OTOGL: variants seen among roughly 807,000 people sequenced by gnomAD.
OTOGL encodes otogelin-like protein.
A neutral mutation model predicts 318.5 loss-of-function variants in OTOGL; 285 were observed. The observed-to-expected ratio is 0.89, with a 90% CI of 0.81 to 0.99. OTOGL has a LOEUF of 0.99. OTOGL is among the 50% of genes least tolerant of loss of function. The probability of loss-of-function intolerance (pLI) is 0.00; values close to 1 mark genes in which losing one functional copy is unlikely to be tolerated. For missense variants in OTOGL, 2,899 were observed against 2,845.6 expected (o/e 1.02, Z -0.43); for synonymous variants, 987 against 936.5 (o/e 1.05, Z -0.99).
chr12:80,250,042 C>A (rs1442379704), intron 11 of OTOGL, among the ~76,000 whole-genome samples: 4 of 152,090 alleles, frequency 2.6e-5, no homozygotes, highest in East Asian at 3.9e-4. Context: ...GTGCGCGCAC[C>A]CACTGACCTG....
intron 1 of OTOGL, among the ~76,000 whole-genome samples, chr12:80,123,171 C>T (rs895566885): frequency 4.6e-5 from 7 of 152,070 alleles, no homozygotes; most frequent in African/African-American, 1.7e-4. Flanking sequence ...TCTCCTAATG[C>T]TATCCCTCCC....
Position 80,252,112 on chromosome 12 carries a change from G to A in OTOGL, c.1196G>A (p.Cys399Tyr). Residue 399 changes from cysteine to tyrosine, a missense_variant, in exon 13 of 59, where the codon TGT becomes TAT. Around this residue, in one of 3 missense-constraint regions of OTOGL, gnomAD observed 2,607 missense variants for 2,524.9 expected, o/e 1.03. Coordinates refer to ENST00000547103, the MANE Select transcript of OTOGL (RefSeq NM_001378609.3). ...GATGATAGCTTTGTCCATCGGGACT[G>A]TATCAGTTGTTGTCCACCAACCTGC... ...KCDDSFVHRD[C>Y]ISCCPPTCTF... The A allele has an allele frequency of 1.3e-6, 2 of 1,560,190 alleles. No individual in the cohort carries two copies. The highest frequency in any genetic ancestry group is 1.2e-5 in the South Asian group (1 of 84,638).
chr12:80,380,879 C>CACAT, exon 59 of OTOGL: 1 of 152,092 alleles, frequency 6.6e-6, no homozygotes, highest in East Asian at 1.9e-4. Flanking sequence ...TACGTTAATC[C>CACAT]ACATGTGTAA....
chr12:80,262,197 C>A, intron 19 of OTOGL, 104 bp downstream of exon 19: 1 of 1,174,672 alleles, frequency 8.5e-7, no homozygotes, highest in Non-Finnish European at 1.1e-6. Context: ...TAATTTTCTC[C>A]ATTATGGTAA....
At chr12:80,243,745 T>C (rs939655855) in intron 11 of OTOGL, among the ~76,000 whole-genome samples, 3 of 149,782 alleles carry the variant, frequency 2.0e-5, no homozygotes, top group Non-Finnish European at 4.4e-5. Flanking sequence ...TCGAAGCCCT[T>C]AGACTATAGA....
At chr12:80,285,692 A>G (rs1015211843) in intron 26 of OTOGL, among the ~76,000 whole-genome samples, 5 of 152,058 alleles carry the variant, frequency 3.3e-5, no homozygotes, top group Non-Finnish European at 4.4e-5. Flanking sequence ...TTGGTGTATA[A>G]GAATGCTTGT....
chr12:80,205,501 T>C (rs1210442986), intron 1 of OTOGL, among the ~76,000 whole-genome samples: 1 of 152,188 alleles, frequency 6.6e-6, no homozygotes, highest in Non-Finnish European at 1.5e-5. Context: ...ATGCTACTTC[T>C]AAAATTATAT....
At chr12:80,179,103 C>T (rs1008043934) in intron 1 of OTOGL, among the ~76,000 whole-genome samples, 1 of 150,208 alleles carries the variant, frequency 6.7e-6, no homozygotes. Context: ...GTGATGGGGG[C>T]GGTGGGGGCT....
intron 1 of OTOGL, among the ~76,000 whole-genome samples, chr12:80,135,262 C>T (rs1592482105): frequency 9.2e-6 from 1 of 108,626 alleles, no homozygotes; most frequent in South Asian, 3.8e-4. Context: ...CCCCTCCCCT[C>T]CCCTCCCCTC....
chr12:80,358,122 A>T, intron 49 of OTOGL, 126 bp from the exon 50 acceptor site: 1 of 665,544 alleles, frequency 1.5e-6, no homozygotes, highest in Non-Finnish European at 2.6e-6. Flanking sequence ...AAGGAAATAT[A>T]CCTCATGTTT....
At chr12:80,285,212 C>G (rs1201414530) in intron 26 of OTOGL, among the ~76,000 whole-genome samples, 1 of 151,852 alleles carries the variant, frequency 6.6e-6, no homozygotes, top group African/African-American at 2.4e-5. Flanking sequence ...ATTTCCGAGG[C>G]CTCTGTTAGG....
At chr12:80,307,259 T>TC (rs540738247) in intron 29 of OTOGL, among the ~76,000 whole-genome samples, 74,896 of 148,682 alleles carry the variant, frequency 0.5, 21,385 homozygotes, top group East Asian at 0.8. Context: ...TCCCCACCTT[T>TC]CCCCCCTTTC....
At chr12:80,266,234 T>TA (rs1882951899) in intron 20 of OTOGL, among the ~76,000 whole-genome samples, 1 of 152,190 alleles carries the variant, frequency 6.6e-6, no homozygotes, top group African/African-American at 2.4e-5. Context: ...TGAAAATACT[T>TA]ACCATTTGGC....
chr12:80,284,243 G>T (rs1280872253), intron 26 of OTOGL, among the ~76,000 whole-genome samples: 1 of 152,164 alleles, frequency 6.6e-6, no homozygotes, highest in African/African-American at 2.4e-5. Flanking sequence ...ATCCGATGGT[G>T]TATATGTGCC....
chr12:80,285,123 A>G (rs1884514880), intron 26 of OTOGL, among the ~76,000 whole-genome samples: 1 of 152,108 alleles, frequency 6.6e-6, no homozygotes, highest in African/African-American at 2.4e-5. Context: ...AATACCATTT[A>G]TTTAATAGGG....
At chr12:80,266,007 T>C (rs1882928677) in intron 20 of OTOGL, 1 of 154,116 alleles carries the variant, frequency 6.5e-6, no homozygotes, top group Non-Finnish European at 1.4e-5. Context: ...CACCTTTCTA[T>C]ACTATGAGCC....
chr12:80,323,685 T>G, intron 34 of OTOGL, 38 bp from the exon 35 acceptor site: 1 of 1,465,540 alleles, frequency 6.8e-7, no homozygotes, highest in Non-Finnish European at 9.5e-7. Context: ...AAGCTATGTA[T>G]TAAATATGCA....
In OTOGL at chr12:80,355,832, G is replaced by A; in HGVS notation, c.5690G>A (p.Ser1897Asn). 1.9e-6 allele frequency: 3 copies of A among 1,613,884 alleles called. No homozygotes were observed. Among genetic ancestry groups the A allele is most frequent in the Non-Finnish European group, 2.5e-6 (3 of 1,179,804 alleles). ...CTATACAAATGTTTGGAGAATGGAA[G>A]CATTATCCCTATAGAACCTGACTGT... is the stretch of plus-strand genomic sequence containing the variant. ...CTLYKCLENG[S>N]IIPIEPDCDE... The change falls in exon 47 of 59, where the codon AGC (serine) becomes AAC (asparagine). Residue 1897 changes from serine (S) to asparagine (N), a missense_variant. Transcript: ENST00000547103.
At chr12:80,377,023 A>T in intron 57 of OTOGL, 100 bp from the exon 58 acceptor site, 1 of 720,644 alleles carries the variant, frequency 1.4e-6, no homozygotes. Flanking sequence ...TATTTTATAT[A>T]AATACACCAA....
Sources: gnomAD v4.1 joint callset for allele counts (sites outside exome capture counted in the v4.1 genomes callset) on GRCh38, gnomAD v4.1.1 for gene constraint, gnomAD v4.1.1 regional missense constraint, MANE v1.5 for transcripts, NCBI Gene and HGNC (gene_info 2026-07-23, HGNC 2026-07-21) for gene names.